TANC1: variants seen among roughly 807,000 people sequenced by gnomAD.
The protein encoded by TANC1 is protein TANC1.
Under a neutral mutation model 149.7 loss-of-function variants are expected in TANC1, and 77 were observed. That is an observed-to-expected ratio of 0.51 (90% confidence interval 0.43 to 0.62). The LOEUF is 0.62. TANC1 is among the 20% of genes least tolerant of loss of function. The pLI, the probability that TANC1 is intolerant of heterozygous loss-of-function variation, is 0.00. For synonymous variants in TANC1, 854 were observed against 925.0 expected (o/e 0.92, Z 1.39); for missense variants, 1,985 against 2,321.8 (o/e 0.85, Z 2.98).
At chr2:159,037,853 C>T (rs1468390505) in intron 2 of TANC1, among the ~76,000 whole-genome samples, 1 of 152,134 alleles carries the variant, frequency 6.6e-6, no homozygotes, top group Non-Finnish European at 1.5e-5. Context: ...TTTTTAGTTC[C>T]ATATGGACTT....
At chr2:159,084,351 G>A (rs1190535398) in intron 3 of TANC1, among the ~76,000 whole-genome samples, 2 of 151,982 alleles carry the variant, frequency 1.3e-5, no homozygotes, top group African/African-American at 2.4e-5. Context: ...ACATGTACAC[G>A]GCAGATTTAG....
intron 2 of TANC1, among the ~76,000 whole-genome samples, chr2:159,049,507 G>A (rs1291990974): frequency 2.0e-5 from 3 of 152,190 alleles, no homozygotes; most frequent in African/African-American, 7.2e-5. Context: ...CAGACCTAAA[G>A]AACCGTCCAG....
rs1272026224 is a variant in TANC1, at chr2:159,150,439, G to A, written c.565G>A (p.Asp189Asn). Residue 189 changes from aspartate (D) to asparagine (N), a missense_variant, in exon 7 of 27, where the codon GAT becomes AAT. Around this residue, in one of 3 missense-constraint regions of TANC1, gnomAD observed 557 missense variants for 612.9 expected, o/e 0.91. Coordinates refer to ENST00000263635, the MANE Select transcript of TANC1 (RefSeq NM_033394.3). ...LTSSTASPST[D>N]SPCSTLNSCV... ...AAGCAGCACCGCATCTCCTAGCACC[G>A]ATAGCCCCTGCTCAACCTTGAATAG... 6 of 1,613,994 alleles carry A rather than the reference G, an allele frequency of 3.7e-6. No homozygotes were observed. The highest frequency in any genetic ancestry group is 1.6e-4 in the Middle Eastern group (1 of 6,084).
At position 159,136,055 on chromosome 2, in the gene TANC1, C is replaced by CGT. The variant is rs1242505068; in HGVS notation, c.260-138_260-137insTG. The stretch of plus-strand genomic sequence containing the variant: ...GTGTGTGTGTGTGTGTGTGTGCGCG[C>CGT]GCGCGCGTTTAAGGGAGGGGAAGGC... On this transcript the variant is annotated intron_variant, in intron 4 of 26. Coordinates refer to ENST00000263635, the MANE Select transcript of TANC1 (RefSeq NM_033394.3). 63 of 378,964 alleles carry CGT rather than the reference C, an allele frequency of 1.7e-4. 1 individual carries two copies. The highest frequency in any genetic ancestry group is 5.0e-4 in the African/African-American group (15 of 29,734). 23.5% of individuals were successfully genotyped at this position (378,964 alleles called of 1,614,324 possible).
chr2:159,097,616 A>G, intron 3 of TANC1, 21 bp from the exon 4 acceptor site: 1 of 1,586,710 alleles, frequency 6.3e-7, no homozygotes. Flanking sequence ...GTTTAACCTA[A>G]GTATTCTCTC....
chr2:159,207,719 A>AAG (rs1371077162), intron 19 of TANC1, among the ~76,000 whole-genome samples: 1 of 149,502 alleles, frequency 6.7e-6, no homozygotes, highest in Admixed American at 6.7e-5. Flanking sequence ...AAAAAAAAAA[A>AAG]AAAAAAAACA....
At chr2:159,135,668 A>T (rs1336983377) in intron 4 of TANC1, among the ~76,000 whole-genome samples, 1 of 152,250 alleles carries the variant, frequency 6.6e-6, no homozygotes, top group African/African-American at 2.4e-5. Flanking sequence ...CCAGCCAGAT[A>T]AGATGCCTGT....
chr2:159,058,340 A>G lies in TANC1; in HGVS notation c.-15-7556A>G, dbSNP rs115754272. 2.2e-3 allele frequency among the ~76,000 whole-genome samples: 340 copies of G among 152,306 alleles called. 1 individual carries two copies. The highest frequency in any genetic ancestry group is 7.5e-3 in the African/African-American group (310 of 41,572). On this transcript the variant is annotated intron_variant, in intron 2 of 26. Coordinates refer to ENST00000263635, the MANE Select transcript of TANC1 (RefSeq NM_033394.3). ...GTATACACCAAATTATTTTGACCAT[A>G]AAGTTGGGAATTAGTACTTGGTACC...
intron 3 of TANC1, among the ~76,000 whole-genome samples, chr2:159,077,253 C>T (rs1189857431): frequency 6.6e-6 from 1 of 152,142 alleles, no homozygotes; most frequent in Non-Finnish European, 1.5e-5. Context: ...GGTGGGGTCT[C>T]AGTATTTTAA....
intron 3 of TANC1, among the ~76,000 whole-genome samples, chr2:159,086,899 T>C (rs796875442): frequency 6.6e-6 from 1 of 152,008 alleles, no homozygotes; most frequent in African/African-American, 2.4e-5. Flanking sequence ...GTTCATATGG[T>C]AAACTGATTT....
At chr2:159,004,374 T>A in intron 2 of TANC1, 2 of 1,487,798 alleles carry the variant, frequency 1.3e-6, no homozygotes, top group African/African-American at 2.8e-5. Context: ...ATCAGCTATG[T>A]GGTTCCAAAG....
chr2:159,046,953 T>C (rs2149565961), intron 2 of TANC1, among the ~76,000 whole-genome samples: 1 of 152,212 alleles, frequency 6.6e-6, no homozygotes, highest in Non-Finnish European at 1.5e-5. Context: ...TAATTTCCTC[T>C]TAGGTCCTGC....
At chr2:159,175,899 G>C (rs1425839666) in intron 12 of TANC1, among the ~76,000 whole-genome samples, 2 of 152,372 alleles carry the variant, frequency 1.3e-5, no homozygotes, top group East Asian at 1.9e-4. Context: ...CTCTCACGCT[G>C]TGTTGGTTGT....
intron 4 of TANC1, among the ~76,000 whole-genome samples, chr2:159,098,724 C>T (rs1480418632): frequency 1.3e-5 from 2 of 152,034 alleles, no homozygotes; most frequent in African/African-American, 2.4e-5. Context: ...GTGTTTTACA[C>T]TTAACATTAC....
intron 2 of TANC1, among the ~76,000 whole-genome samples, chr2:159,055,552 G>A (rs1257119913): frequency 6.6e-6 from 1 of 152,156 alleles, no homozygotes; most frequent in Non-Finnish European, 1.5e-5. Context: ...CTTTATCATT[G>A]TCTGGAATTG....
At chr2:159,061,239 A>G (rs1249578635) in intron 2 of TANC1, among the ~76,000 whole-genome samples, 1 of 152,202 alleles carries the variant, frequency 6.6e-6, no homozygotes, top group Non-Finnish European at 1.5e-5. Context: ...TTGTAGTAAC[A>G]AAGAGGCTGG....
Position 159,230,089 on chromosome 2 carries a change from C to A in TANC1, c.4663C>A (p.Gln1555Lys). 6.2e-7 allele frequency: 1 copy of A among 1,614,000 alleles called. No individual in the cohort carries two copies. The highest frequency in any genetic ancestry group is 1.1e-5 in the South Asian group (1 of 91,086). The change falls in exon 27 of 27, where the codon CAG (glutamine) becomes AAG (lysine). Residue 1555 changes from glutamine (Q) to lysine (K), a missense_variant. Gln to Lys is a moderately conservative substitution (Grantham distance 53). Transcript: ENST00000263635. The surrounding 1 kb of genome is among the most constrained non-coding windows in gnomAD (Gnocchi z 4.4). Reference sequence around the variant, plus strand: ...AGTGAGAAATGGCAGTATGAAAGTTCAGATCTCTTCTCAGAACCCTCCTCC... The same window carrying A: ...AGTGAGAAATGGCAGTATGAAAGTTAAGATCTCTTCTCAGAACCCTCCTCC... ...SAVRNGSMKV[Q>K]ISSQNPPPSP...
At chr2:159,114,630 A>AT (rs772347817) in intron 4 of TANC1, among the ~76,000 whole-genome samples, 23 of 152,256 alleles carry the variant, frequency 1.5e-4, no homozygotes, top group Admixed American at 1.2e-3. Flanking sequence ...AGAGAATCCC[A>AT]TTTTTATTTG....
At chr2:159,012,122 C>G (rs1350044086) in intron 2 of TANC1, among the ~76,000 whole-genome samples, 1 of 152,186 alleles carries the variant, frequency 6.6e-6, no homozygotes, top group Admixed American at 6.5e-5. Flanking sequence ...CACCCCTGGA[C>G]CCCAATCATA....
Sources: gnomAD v4.1 joint callset for allele counts (sites outside exome capture counted in the v4.1 genomes callset) on GRCh38, gnomAD v4.1.1 for gene constraint, gnomAD v4.1.1 regional missense constraint, Gnocchi (gnomAD v3.1) non-coding constraint, MANE v1.5 for transcripts, NCBI Gene and HGNC (gene_info 2026-07-23, HGNC 2026-07-21) for gene names.